Variants in SIPA1L2 observed in about 807,000 individuals in gnomAD.
SIPA1L2 encodes signal induced proliferation associated 1 like 2.
SIPA1L2 carries 56 observed loss-of-function variants against 163.9 expected under a neutral mutation model. The ratio of observed to expected loss-of-function variants is 0.34; its 90% CI spans 0.28 to 0.43. SIPA1L2 has a LOEUF of 0.43. Ranked by LOEUF, SIPA1L2 falls within the 20% of genes least tolerant of loss-of-function variation. The pLI, the probability that SIPA1L2 is intolerant of heterozygous loss-of-function variation, is 1.00. For synonymous variants in SIPA1L2, 877 were observed against 865.7 expected (o/e 1.01, Z -0.23); for missense variants, 1,974 against 2,193.5 (o/e 0.90, Z 2.00).
chr1:232,516,287 T>C (rs1230998392), intron 2 of SIPA1L2, among the ~76,000 whole-genome samples: 1 of 152,194 alleles, frequency 6.6e-6, no homozygotes, highest in Non-Finnish European at 1.5e-5. Flanking sequence ...ATACATCAAA[T>C]ACATTGCAGT....
At chr1:232,502,828 A>G (rs1377791241) in intron 3 of SIPA1L2, among the ~76,000 whole-genome samples, 1 of 152,266 alleles carries the variant, frequency 6.6e-6, no homozygotes, top group African/African-American at 2.4e-5. Context: ...CTTCTATTCA[A>G]TAATGTAAGA....
intron 18 of SIPA1L2, among the ~76,000 whole-genome samples, chr1:232,417,618 G>A (rs1661335464): frequency 6.6e-6 from 1 of 152,032 alleles, no homozygotes; most frequent in African/African-American, 2.4e-5. Flanking sequence ...TGGCTGTCGG[G>A]TCCTGTCTCA....
At chr1:232,433,303 AG>A (rs2102837091) in intron 15 of SIPA1L2, among the ~76,000 whole-genome samples, 1 of 152,362 alleles carries the variant, frequency 6.6e-6, no homozygotes, top group Admixed American at 6.5e-5. Flanking sequence ...AATGATCATG[AG>A]CCAGTTGCTT....
chr1:232,488,647 C>T (rs990404415), intron 5 of SIPA1L2, among the ~76,000 whole-genome samples: 3 of 152,114 alleles, frequency 2.0e-5, no homozygotes, highest in Non-Finnish European at 2.9e-5. Context: ...ACTAGAGATA[C>T]GAAATGCGTG....
chr1:232,421,267 G>C (rs1031462416), intron 18 of SIPA1L2, among the ~76,000 whole-genome samples: 3 of 151,944 alleles, frequency 2.0e-5, no homozygotes, highest in Admixed American at 6.5e-5. Flanking sequence ...ATTCTGAAAG[G>C]GGGGTAGTAT....
At position 232,568,936 on chromosome 1, in the gene SIPA1L2, C is replaced by T. The variant is rs572591571; in HGVS notation, c.-270+5238G>A. Among the ~76,000 whole-genome samples the T allele has an allele frequency of 1.2e-4, 18 of 152,248 alleles. No individual in the cohort carries two copies. The East Asian group carries it at 1.7e-3, about 15-fold the overall frequency. On this transcript the variant is annotated intron_variant, in intron 2 of 22. Transcript: ENST00000674635. ...CTGAACCTTTTATCGGAGCTATTTA[C>T]GTATATTTGCTTTTTCCCCTTTAGA...
At chr1:232,549,550 T>C (rs1047364586) in intron 2 of SIPA1L2, among the ~76,000 whole-genome samples, 1 of 152,120 alleles carries the variant, frequency 6.6e-6, no homozygotes, top group Admixed American at 6.5e-5. Context: ...AATCAGCATG[T>C]TATCTGATGT....
chr1:232,536,370 C>T (rs1479793125), intron 2 of SIPA1L2, among the ~76,000 whole-genome samples: 1 of 152,196 alleles, frequency 6.6e-6, no homozygotes, highest in Non-Finnish European at 1.5e-5. Flanking sequence ...TGGAGGGAAT[C>T]TAACTTAAGG....
At chr1:232,446,062 T>A (rs1663200244) in intron 10 of SIPA1L2, among the ~76,000 whole-genome samples, 1 of 152,072 alleles carries the variant, frequency 6.6e-6, no homozygotes, top group African/African-American at 2.4e-5. Context: ...GCCACACACA[T>A]CATCTATGCT....
At chr1:232,509,097 A>T (rs1666866695) in intron 3 of SIPA1L2, among the ~76,000 whole-genome samples, 1 of 152,256 alleles carries the variant, frequency 6.6e-6, no homozygotes, top group African/African-American at 2.4e-5. Context: ...GTCTTCAAGA[A>T]AAAAGAAAAG....
At chr1:232,621,264 T>C (rs546336315) in intron 1 of SIPA1L2, among the ~76,000 whole-genome samples, 15 of 152,316 alleles carry the variant, frequency 9.8e-5, no homozygotes, top group African/African-American at 3.6e-4. Flanking sequence ...ACCAGAACAA[T>C]GAGCTCATTA....
intron 1 of SIPA1L2, among the ~76,000 whole-genome samples, chr1:232,620,287 G>C (rs1353658859): frequency 1.3e-5 from 2 of 152,172 alleles, no homozygotes; most frequent in African/African-American, 4.8e-5. Context: ...GGATGACAAG[G>C]AAAGCAAGTG....
chr1:232,428,295 G>A (rs978900405), intron 17 of SIPA1L2, 116 bp downstream of exon 17: 4 of 894,560 alleles, frequency 4.5e-6, no homozygotes, highest in Non-Finnish European at 6.3e-6. Flanking sequence ...TGTTGGTAGG[G>A]TCATGAGAGA....
chr1:232,456,717 G>C (rs558522428), intron 10 of SIPA1L2, among the ~76,000 whole-genome samples: 3 of 152,320 alleles, frequency 2.0e-5, no homozygotes, highest in African/African-American at 7.2e-5. Flanking sequence ...ACCGGTGGCT[G>C]TAAATTATCC....
At chr1:232,516,443 A>G (rs1046409993) in intron 2 of SIPA1L2, among the ~76,000 whole-genome samples, 1 of 152,222 alleles carries the variant, frequency 6.6e-6, no homozygotes, top group African/African-American at 2.4e-5. Context: ...AATAATTCTA[A>G]GAGAATTAGG....
At chr1:232,551,055 C>A (rs1658351594) in intron 2 of SIPA1L2, among the ~76,000 whole-genome samples, 1 of 152,152 alleles carries the variant, frequency 6.6e-6, no homozygotes, top group Non-Finnish European at 1.5e-5. Flanking sequence ...CTACCACCAC[C>A]TATTAACTCC....
rs200034020 is a variant in SIPA1L2 at position 232,443,630 on chromosome 1, G to T, written c.3409C>A (p.Pro1137Thr). 36 of 1,609,110 alleles carry T rather than the reference G, an allele frequency of 2.2e-5. No individual in the cohort carries two copies. The African/African-American group carries it at 4.5e-4, about 20-fold the overall frequency. ...SSDPGPGGSG[P>T]WRPQVGYDGC... Reference sequence around the variant, plus strand: ...TCGTAGCCCACTTGTGGTCTCCAGGGTCCGCTCCCGCCGGGTCCAGGGTCG... The same window carrying T: ...TCGTAGCCCACTTGTGGTCTCCAGGTTCCGCTCCCGCCGGGTCCAGGGTCG... The change falls in exon 12 of 23, where the codon CCC (proline) becomes ACC (threonine). Residue 1137 changes from proline (P) to threonine (T), a missense_variant. Coordinates refer to ENST00000674635, the MANE Select transcript of SIPA1L2 (RefSeq NM_020808.5).
At chr1:232,527,986 A>T (rs1469340334) in intron 2 of SIPA1L2, among the ~76,000 whole-genome samples, 1 of 150,336 alleles carries the variant, frequency 6.7e-6, no homozygotes, top group Non-Finnish European at 1.5e-5. Context: ...AATGAATAAG[A>T]GTTGGATGCA....
intron 1 of SIPA1L2, among the ~76,000 whole-genome samples, chr1:232,600,285 G>T (rs377047857): frequency 6.8e-6 from 1 of 146,960 alleles, no homozygotes; most frequent in African/African-American, 2.5e-5. Flanking sequence ...AGCAGAATTA[G>T]AAAACACATT....
Sources: gnomAD v4.1 joint callset for allele counts (sites outside exome capture counted in the v4.1 genomes callset) on GRCh38, gnomAD v4.1.1 for gene constraint, MANE v1.5 for transcripts, NCBI Gene and HGNC (gene_info 2026-07-23, HGNC 2026-07-21) for gene names.